The following LMTK3 variants were observed in gnomAD, a reference collection of about 807,000 sequenced individuals.
LMTK3 encodes the protein serine/threonine-protein kinase LMTK3.
In LMTK3, 27 loss-of-function variants were observed where a neutral mutation model predicts 116.7. The ratio of observed to expected loss-of-function variants is 0.23; its 90% CI spans 0.17 to 0.32. The LOEUF is 0.32. Ranked by LOEUF, LMTK3 falls within the 10% of genes least tolerant of loss-of-function variation. The probability of loss-of-function intolerance (pLI) is 1.00; values close to 1 mark genes in which losing one functional copy is unlikely to be tolerated. For missense variants in LMTK3, 1,764 were observed against 2,068.5 expected, an observed-to-expected ratio of 0.85 and a Z score of 2.86; for synonymous variants, 965 against 971.0, an observed-to-expected ratio of 0.99 and a Z score of 0.11.
intron 14 of LMTK3, among the ~76,000 whole-genome samples, chr19:48,488,234 C>T (rs1043905751): frequency 6.6e-6 from 1 of 152,092 alleles, no homozygotes; most frequent in Non-Finnish European, 1.5e-5. Flanking sequence ...CGATGATGGC[C>T]TAAGGGAGAA....
chr19:48,510,355 G>A, intron 2 of LMTK3, 104 bp downstream of exon 2: 2 of 1,469,610 alleles, frequency 1.4e-6, no homozygotes, highest in South Asian at 2.6e-5. Context: ...GCTGGAAGGT[G>A]CTCTCGGATT....
chr19:48,505,140 G>A (rs540084903), intron 5 of LMTK3, among the ~76,000 whole-genome samples: 8 of 105,850 alleles, frequency 7.6e-5, no homozygotes, highest in African/African-American at 1.9e-4. Flanking sequence ...ATGAGACAGA[G>A]TCTTGCTCTG....
intron 11 of LMTK3, among the ~76,000 whole-genome samples, chr19:48,495,448 T>C (rs1972307676): frequency 6.6e-6 from 1 of 152,138 alleles, no homozygotes; most frequent in Non-Finnish European, 1.5e-5. Flanking sequence ...AAGCGGGCCA[T>C]TCTCTGCCTC....
In LMTK3 at chr19:48,494,248, G is replaced by T; in HGVS notation, c.3677-139C>A. ...CTTTGTGAACGGAAGGGCTGCACCA[G>T]GGCTTCTCCAGGCAGGGTGGGAAAG... is the stretch of plus-strand genomic sequence containing the variant. On this transcript the variant is annotated intron_variant, in intron 11 of 14. Coordinates refer to ENST00000600059, the MANE Select transcript of LMTK3 (RefSeq NM_001388485.1). This position sits in a 1 kb window ranked among gnomAD's most constrained non-coding sequence, Gnocchi z 4.0. 2.5e-6 allele frequency: 1 copy of T among 407,932 alleles called. No individual in the cohort carries two copies. Among genetic ancestry groups the T allele is most frequent in the Non-Finnish European group, 3.6e-6 (1 of 279,168 alleles). 25.3% of individuals were successfully genotyped at this position (407,932 alleles called of 1,614,324 possible).
intron 1 of LMTK3, among the ~76,000 whole-genome samples, chr19:48,511,143 A>G (rs1306063872): frequency 1.3e-5 from 2 of 152,132 alleles, no homozygotes; most frequent in African/African-American, 2.4e-5. Context: ...GTCTCTCCAG[A>G]AGCCAGAGAC....
intron 1 of LMTK3, among the ~76,000 whole-genome samples, chr19:48,511,113 G>A (rs1252395588): frequency 6.6e-6 from 1 of 152,162 alleles, no homozygotes; most frequent in East Asian, 1.9e-4. Flanking sequence ...ACCCAGAGAA[G>A]GGAACTCCGC....
rs760537892 is a variant in LMTK3, at chr19:48,502,463, G to T, written c.764C>A (p.Ala255Glu). Residue 255 changes from alanine (A) to glutamate (E), a missense_variant, in exon 7 of 15, where the codon GCG becomes GAG. Ala to Glu is a moderately radical substitution (Grantham distance 107). This residue lies in a region of LMTK3 where 271 missense variants were observed against 478.2 expected (regional missense o/e 0.57). Transcript: ENST00000600059. The part of the protein sequence containing the change: ...RMGLEIARGL[A>E]HLHSHNYVHS... ...CACGTAGTTGTGGGAATGCAGGTGC[G>T]CCAGCCCGCGGGCGATCTCCAGGCC... 11 of 1,610,688 alleles carry T rather than the reference G, an allele frequency of 6.8e-6. No individual in the cohort carries two copies. The highest frequency in any genetic ancestry group is 8.5e-6 in the Non-Finnish European group (10 of 1,179,040).
At chr19:48,501,824 TCTC>T (rs1246553886) in intron 7 of LMTK3, among the ~76,000 whole-genome samples, 2 of 150,826 alleles carry the variant, frequency 1.3e-5, no homozygotes, top group African/African-American at 2.4e-5. Context: ...CCTTCTGGCT[TCTC>T]CTGCTTCTCT....
rs957776215 is a variant in LMTK3 at position 48,508,938 on chromosome 19, G to A, written c.470C>T (p.Thr157Ile). Residue 157 changes from threonine (T) to isoleucine (I), a missense_variant, in exon 5 of 15, where the codon ACC becomes ATC. Physicochemically the swap from Thr to Ile is moderately conservative, Grantham distance 89. Around this residue, in one of 7 missense-constraint regions of LMTK3, gnomAD observed 271 missense variants for 478.2 expected, o/e 0.57. Coordinates refer to ENST00000600059, the MANE Select transcript of LMTK3 (RefSeq NM_001388485.1). ...VILGEIFSDY[T>I]PAQVVVKELR... ...CTCCTTCACCACCACCTGGGCGGGG[G>A]TGTAGTCGGAGAAAATCTCTCCCAG... is the stretch of plus-strand genomic sequence containing the variant. 3 of 1,611,794 alleles carry A rather than the reference G, an allele frequency of 1.9e-6. No individual in the cohort carries two copies. The highest frequency in any genetic ancestry group is 2.7e-5 in the African/African-American group (2 of 74,846).
At chr19:48,501,949 T>G in intron 7 of LMTK3, among the ~76,000 whole-genome samples, 1 of 91,600 alleles carries the variant, frequency 1.1e-5, no homozygotes, top group Admixed American at 1.2e-4. Context: ...TCCTGACTCC[T>G]CCCCCTCCCC....
At position 48,497,459 on chromosome 19, in the gene LMTK3, C is replaced by G. The variant is rs766282094; in HGVS notation, c.3610G>C (p.Gly1204Arg). The G allele has an allele frequency of 3.7e-5, 57 of 1,529,786 alleles. No homozygotes were observed. The highest frequency in any genetic ancestry group is 5.0e-5 in the Non-Finnish European group (57 of 1,142,040). The allele number at this position is 1,529,786 out of a possible 1,614,324, so 94.8% of individuals were successfully genotyped here. Residue 1204 changes from glycine (G) to arginine (R), a missense_variant, in exon 11 of 15, where the codon GGC (glycine) becomes CGC (arginine). Gly to Arg is a moderately radical substitution (Grantham distance 125). Around this residue, in one of 7 missense-constraint regions of LMTK3, gnomAD observed 1,028 missense variants for 1,050.6 expected, o/e 0.98. Transcript: ENST00000600059. This position sits in a 1 kb window ranked among gnomAD's most constrained non-coding sequence, Gnocchi z 5.7. ...DGDPPKPERK[G>R]PEMPRLFLDL... ...AAGAATAGTCGTGGCATCTCGGGGC[C>G]CTTCCTCTCGGGCTTGGGGGGGTCC...
In LMTK3 at chr19:48,500,973, GC is replaced by G; in HGVS notation, c.1151+22del. The G allele has an allele frequency of 6.8e-7, 1 of 1,475,820 alleles. No homozygotes were observed. The allele number at this position is 1,475,820 out of a possible 1,614,324, so 91.4% of individuals were successfully genotyped here. On this transcript the variant is annotated intron_variant, in intron 10 of 14. Coordinates refer to ENST00000600059, the MANE Select transcript of LMTK3 (RefSeq NM_001388485.1). The surrounding 1 kb of genome is among the most constrained non-coding windows in gnomAD (Gnocchi z 4.0). ...CTGGGTGGGGTGCGGCAGGCCAGGA[GC>G]CCCGGGTGGGCTAGCCCTCACCAGT...
chr19:48,494,017 C>T lies in LMTK3; in HGVS notation c.3769G>A (p.Asp1257Asn). The change falls in exon 12 of 15, where the codon GAC becomes AAC. Residue 1257 changes from aspartate to asparagine, a missense_variant. Coordinates refer to ENST00000600059, the MANE Select transcript of LMTK3 (RefSeq NM_001388485.1). The surrounding 1 kb of genome is among the most constrained non-coding windows in gnomAD (Gnocchi z 4.0). Reference protein sequence around the residue: ...GPRRPPWEGADAGAAGGEAGG... With the variant: ...GPRRPPWEGANAGAAGGEAGG... The stretch of plus-strand genomic sequence containing the variant: ...GCCTCCCCGCCAGCCGCCCCGGCGT[C>T]CGCGCCCTCCCACGGGGGCCGCCGC... The T allele has an allele frequency of 8.8e-7, 1 of 1,131,904 alleles. No individual in the cohort carries two copies. The highest frequency in any genetic ancestry group is 4.2e-5 in the South Asian group (1 of 23,534). The allele number at this position is 1,131,904 out of a possible 1,614,324, so 70.1% of individuals were successfully genotyped here.
At chr19:48,487,412 T>A (rs1319657951) in intron 14 of LMTK3, among the ~76,000 whole-genome samples, 2 of 152,168 alleles carry the variant, frequency 1.3e-5, no homozygotes, top group African/African-American at 4.8e-5. Flanking sequence ...TGACCTCAAA[T>A]GATCTGCCCG....
In LMTK3 at chr19:48,494,123, G is replaced by T. The variant is rs1435109576; in HGVS notation, c.3677-14C>A. 8.4e-7 allele frequency: 1 copy of T among 1,191,548 alleles called. No homozygotes were observed. Among genetic ancestry groups the T allele is most frequent in the South Asian group, 4.2e-5 (1 of 23,864 alleles). The allele number at this position is 1,191,548 out of a possible 1,614,324, so 73.8% of individuals were successfully genotyped here. A position where few individuals can be genotyped will look rare whatever the true frequency, so the allele number is the denominator to read the frequency against. On this transcript the variant is annotated splice_polypyrimidine_tract_variant and intron_variant, in intron 11 of 14. Transcript: ENST00000600059. This position sits in a 1 kb window ranked among gnomAD's most constrained non-coding sequence, Gnocchi z 4.0. ...GGGAGAGCCTGGCTGCGAGGGGAGAGACCTGGTGAGCCCCTGTCCCGGTGA... is the reference window on the plus strand; with the variant it reads ...GGGAGAGCCTGGCTGCGAGGGGAGATACCTGGTGAGCCCCTGTCCCGGTGA...
At chr19:48,496,584 C>G (rs575379981) in intron 11 of LMTK3, among the ~76,000 whole-genome samples, 1 of 152,180 alleles carries the variant, frequency 6.6e-6, no homozygotes, top group African/African-American at 2.4e-5. Flanking sequence ...CAGGCATGAG[C>G]CACCCACCAT....
chr19:48,500,651 G>A lies in LMTK3; in HGVS notation c.1151+345C>T, dbSNP rs1481740108. ...CAGGGGTGGGGGGAAGATGCCCATA[G>A]AGAGAGGCTGACGGGACCTGGAGGC... On this transcript the variant is annotated intron_variant, in intron 10 of 14. Coordinates refer to ENST00000600059, the MANE Select transcript of LMTK3 (RefSeq NM_001388485.1). The surrounding 1 kb of genome is among the most constrained non-coding windows in gnomAD (Gnocchi z 4.0). Among the ~76,000 whole-genome samples, 1 of 152,182 alleles carries A rather than the reference G, an allele frequency of 6.6e-6. No homozygotes were observed. The highest frequency in any genetic ancestry group is 2.4e-5 in the African/African-American group (1 of 41,442).
upstream of LMTK3, chr19:48,513,345 T>C: frequency 1.5e-6 from 1 of 651,208 alleles, no homozygotes; most frequent in Non-Finnish European, 2.8e-6. This position sits in a 1 kb window ranked among gnomAD's most constrained non-coding sequence, Gnocchi z 5.6. Context: ...ATGCCCATTG[T>C]ACAGATGAGG....
upstream of LMTK3, among the ~76,000 whole-genome samples, chr19:48,512,045 T>C (rs1438355442): frequency 1.2e-5 from 1 of 83,696 alleles, no homozygotes; most frequent in Non-Finnish European, 2.3e-5. Context: ...CGGCACACAC[T>C]TGCAGCGGGG....
Sources: allele counts gnomAD v4.1 joint callset (sites outside exome capture counted in the v4.1 genomes callset), GRCh38; gene constraint gnomAD v4.1.1; regional missense constraint gnomAD v4.1.1; non-coding constraint Gnocchi (gnomAD v3.1); transcripts MANE v1.5; gene names NCBI Gene and HGNC (gene_info 2026-07-23, HGNC 2026-07-21).